Variants in MAST4 observed in about 807,000 individuals in gnomAD.
MAST4 encodes microtubule-associated serine/threonine-protein kinase 4.
A neutral mutation model predicts 162.7 loss-of-function variants in MAST4; 89 were observed. The ratio of observed to expected loss-of-function variants is 0.55; its 90% CI spans 0.46 to 0.65. The LOEUF (loss-of-function observed/expected upper bound fraction) is 0.65, where lower values mean the gene tolerates loss of function less well. MAST4 is among the 30% of genes least tolerant of loss of function. MAST4 has a pLI of 0.00. For missense variants in MAST4, 3,153 were observed against 3,374.0 expected, an observed-to-expected ratio of 0.93 and a Z score of 1.62; for synonymous variants, 1,479 against 1,361.1, an observed-to-expected ratio of 1.09 and a Z score of -1.91.
chr5:66,876,854 T>G (rs572002568), intron 3 of MAST4, among the ~76,000 whole-genome samples: 24 of 152,274 alleles, frequency 1.6e-4, no homozygotes, highest in African/African-American at 5.3e-4. Context: ...AGAGTACCAT[T>G]TAGCCATTGG....
At chr5:66,819,424 A>G (rs1756884521) in intron 3 of MAST4, among the ~76,000 whole-genome samples, 1 of 152,168 alleles carries the variant, frequency 6.6e-6, no homozygotes, top group Admixed American at 6.5e-5. Context: ...ATTTAACGTA[A>G]TGCCTCTAGG....
intron 3 of MAST4, among the ~76,000 whole-genome samples, chr5:66,878,282 A>G (rs1474816663): frequency 6.6e-6 from 1 of 152,258 alleles, no homozygotes; most frequent in African/African-American, 2.4e-5. Flanking sequence ...GCCAGTTTGC[A>G]GGACAAAGCT....
intron 4 of MAST4, among the ~76,000 whole-genome samples, chr5:67,016,845 A>T (rs1263099282): frequency 6.6e-6 from 1 of 152,198 alleles, no homozygotes; most frequent in Non-Finnish European, 1.5e-5. Context: ...ACATTTCAAA[A>T]TCCATGCCGA....
At chr5:66,735,833 G>A (rs1413301433) in intron 1 of MAST4, among the ~76,000 whole-genome samples, 4 of 152,154 alleles carry the variant, frequency 2.6e-5, no homozygotes, top group African/African-American at 7.2e-5. Context: ...GTAATTACTC[G>A]AGAAATGCTT....
intron 1 of MAST4, among the ~76,000 whole-genome samples, chr5:66,687,619 C>T: frequency 7.2e-6 from 1 of 139,316 alleles, no homozygotes; most frequent in African/African-American, 2.8e-5. Flanking sequence ...TATATGTATA[C>T]ATAGATGTGT....
chr5:67,166,820 G>A lies in MAST4; in HGVS notation c.7641G>A (p.Arg2547=). The change falls in exon 29 of 29, where the codon CGG becomes CGA. Residue 2547 remains arginine (R), a synonymous_variant. Transcript: ENST00000403625. The part of the protein sequence containing the change: ...DPNTMGGASH[R]DRALSVTATV... ...ACACCATGGGCGGGGCCAGCCACCG[G>A]GACAGGGCTCTCTCGGTGACTGCCA... 1 of 1,604,990 alleles carries A rather than the reference G, an allele frequency of 6.2e-7. No homozygotes were observed. The highest frequency in any genetic ancestry group is 8.5e-7 in the Non-Finnish European group (1 of 1,176,318).
intron 4 of MAST4, among the ~76,000 whole-genome samples, chr5:66,978,588 A>G (rs1041576141): frequency 6.6e-6 from 1 of 152,200 alleles, no homozygotes; most frequent in Non-Finnish European, 1.5e-5. Context: ...TAGGATCAGG[A>G]TTTAAACTGG....
At chr5:66,749,650 T>C (rs180729203) in intron 1 of MAST4, among the ~76,000 whole-genome samples, 3 of 152,370 alleles carry the variant, frequency 2.0e-5, no homozygotes, top group Admixed American at 6.5e-5. Flanking sequence ...GCACTTCCTT[T>C]GTGCCAAGCA....
intron 3 of MAST4, among the ~76,000 whole-genome samples, chr5:66,857,915 A>G (rs1759805564): frequency 6.6e-6 from 1 of 151,872 alleles, no homozygotes; most frequent in South Asian, 2.1e-4. Context: ...ATATTTTCCT[A>G]TTTATAGGTC....
In MAST4 at chr5:67,162,788, GGTGA is replaced by G. The variant is rs754641261; in HGVS notation, c.3967+7_3967+10del. The G allele has an allele frequency of 5.0e-6, 8 of 1,613,596 alleles. No individual in the cohort carries two copies. Among genetic ancestry groups the G allele is most frequent in the Non-Finnish European group, 6.8e-6 (8 of 1,179,710 alleles). ...CCGCTCCACCCCTGACTTCCCATCT[GGTGA>G]GTGAGTCTCCTGGTCTAAACAGCAG... On this transcript the variant is annotated splice_donor_variant and splice_donor_region_variant and intron_variant, in intron 28 of 28. Coordinates refer to ENST00000403625, the MANE Select transcript of MAST4 (RefSeq NM_001164664.2). LOFTEE classifies it high-confidence loss of function.
chr5:66,762,643 G>T (rs1029971022), intron 2 of MAST4, among the ~76,000 whole-genome samples: 2 of 152,208 alleles, frequency 1.3e-5, no homozygotes, highest in African/African-American at 4.8e-5. Context: ...ATAATCACAT[G>T]TGATCTCATC....
intron 1 of MAST4, among the ~76,000 whole-genome samples, chr5:66,659,193 C>T (rs1218605895): frequency 6.6e-6 from 1 of 152,078 alleles, no homozygotes; most frequent in Non-Finnish European, 1.5e-5. Context: ...CCAGGAACAG[C>T]CTGAAGCCTG....
At chr5:66,691,797 T>C (rs529424707) in intron 1 of MAST4, among the ~76,000 whole-genome samples, 47 of 152,262 alleles carry the variant, frequency 3.1e-4, no homozygotes, top group African/African-American at 4.3e-4. Context: ...TACTATCGCA[T>C]TGGGGGTTAG....
At chr5:66,996,163 C>T (rs774992948) in intron 4 of MAST4, among the ~76,000 whole-genome samples, 4 of 151,970 alleles carry the variant, frequency 2.6e-5, no homozygotes, top group Admixed American at 6.5e-5. Flanking sequence ...CGTGTAATCC[C>T]GGCTACTCGG....
intron 3 of MAST4, among the ~76,000 whole-genome samples, chr5:66,795,581 G>A (rs527296665): frequency 6.6e-6 from 1 of 152,262 alleles, no homozygotes; most frequent in African/African-American, 2.4e-5. Context: ...AGTTGGTTTG[G>A]TTATAAAATT....
chr5:67,087,441 C>G (rs933093458), intron 5 of MAST4, among the ~76,000 whole-genome samples: 4 of 152,168 alleles, frequency 2.6e-5, no homozygotes, highest in African/African-American at 7.2e-5. Flanking sequence ...CTTAAAGCCT[C>G]TAACTAATCA....
Position 67,164,891 on chromosome 5 carries a change from T to G in MAST4, c.5712T>G (p.His1904Gln), listed in dbSNP as rs746432460. 1 of 1,613,890 alleles carries G rather than the reference T, an allele frequency of 6.2e-7. No homozygotes were observed. The highest frequency in any genetic ancestry group is 1.7e-5 in the Admixed American group (1 of 60,020). ...TCAAGAGGGACAGGAAAGGTCCCCA[T>G]CCTACTGCCAGGAGCCCTGGAACAG... ...PEFKRDRKGP[H>Q]PTARSPGTVM... Residue 1904 changes from histidine to glutamine, a missense_variant, in exon 29 of 29, where the codon CAT becomes CAG. Around this residue, in one of 7 missense-constraint regions of MAST4, gnomAD observed 1,644 missense variants for 1,495.0 expected, o/e 1.10. Coordinates refer to ENST00000403625, the MANE Select transcript of MAST4 (RefSeq NM_001164664.2). The surrounding 1 kb of genome is among the most constrained non-coding windows in gnomAD (Gnocchi z 5.3).
At chr5:66,917,422 T>C (rs542392747) in intron 4 of MAST4, 23 of 161,088 alleles carry the variant, frequency 1.4e-4, no homozygotes, top group Non-Finnish European at 2.4e-4. Flanking sequence ...TAATTATTAT[T>C]TAATCAAATA....
chr5:66,735,602 G>A (rs1336875103), intron 1 of MAST4, among the ~76,000 whole-genome samples: 1 of 152,104 alleles, frequency 6.6e-6, no homozygotes, highest in Admixed American at 6.5e-5. Context: ...TAGGATCCAT[G>A]CGCTTTGACA....
Sources: gnomAD v4.1 joint callset for allele counts (sites outside exome capture counted in the v4.1 genomes callset) on GRCh38, gnomAD v4.1.1 for gene constraint, gnomAD v4.1.1 regional missense constraint, Gnocchi (gnomAD v3.1) non-coding constraint, MANE v1.5 for transcripts, NCBI Gene and HGNC (gene_info 2026-07-23, HGNC 2026-07-21) for gene names.